Variants in MRE11 observed in about 807,000 individuals in gnomAD.
MRE11 encodes the protein MRE11 double strand break repair nuclease.
Under a neutral mutation model 91.7 loss-of-function variants are expected in MRE11, and 62 were observed. The ratio of observed to expected loss-of-function variants is 0.68; its 90% CI spans 0.55 to 0.84. The LOEUF is 0.84. Among genes scored for constraint, MRE11 ranks in the 40% least tolerant of loss-of-function variants. MRE11 has a pLI of 0.00. For synonymous variants in MRE11, 273 were observed against 271.4 expected (o/e 1.01, Z -0.06); for missense variants, 796 against 852.9 (o/e 0.93, Z 0.83).
chr11:94,456,706 T>C (rs1946256007), intron 13 of MRE11, among the ~76,000 whole-genome samples: 2 of 152,148 alleles, frequency 1.3e-5, no homozygotes, highest in African/African-American at 4.8e-5. Context: ...ACATTGCAAA[T>C]CACTCTTGTG....
Position 94,417,789 on chromosome 11 carries a change from T to C in MRE11, c.*2336A>G, listed in dbSNP as rs1945066657. 4.3e-6 allele frequency: 1 copy of C among 233,008 alleles called. No homozygotes were observed. The highest frequency in any genetic ancestry group is 1.8e-4 in the South Asian group (1 of 5,538). 14.4% of individuals were successfully genotyped at this position (233,008 alleles called of 1,614,324 possible). A position where few individuals can be genotyped will look rare whatever the true frequency, so the allele number is the denominator to read the frequency against. ...TACTTTTAAAAGTTTGGGAAAAAAG[T>C]CTTTTACATACCTGAATTAAAGGTC... On this transcript the variant is annotated 3_prime_UTR_variant, in exon 20 of 20. Coordinates refer to ENST00000323929, the MANE Select transcript of MRE11 (RefSeq NM_005591.4).
At chr11:94,502,994 T>C in the MRE11 span, among the ~76,000 whole-genome samples, 3 of 152,162 alleles carry the variant, frequency 2.0e-5, no homozygotes, top group African/African-American at 4.8e-5. Context: ...ATTAATTATA[T>C]TCCCCTTCCA....
chr11:94,464,128 G>C lies in MRE11; in HGVS notation c.1210C>G (p.Gln404Glu). The part of the protein sequence containing the change: ...DIIHFFRHRE[Q>E]KEKTGEEINF... ...ACTAGCTTACCTGTTTTTTCCTTTT[G>C]TTCTCTATGCCTGAAAAAATGGATA... The change falls in exon 11 of 20, where the codon CAA becomes GAA. Residue 404 changes from glutamine (Q) to glutamate (E), a missense_variant. Gln to Glu is a conservative substitution (Grantham distance 29). Coordinates refer to ENST00000323929, the MANE Select transcript of MRE11 (RefSeq NM_005591.4). 6.2e-7 allele frequency: 1 copy of C among 1,612,168 alleles called. No individual in the cohort carries two copies. Among genetic ancestry groups the C allele is most frequent in the Non-Finnish European group, 8.5e-7 (1 of 1,179,388 alleles).
chr11:94,477,035 A>G (rs1257455992), intron 6 of MRE11, among the ~76,000 whole-genome samples: 1 of 152,172 alleles, frequency 6.6e-6, no homozygotes, highest in African/African-American at 2.4e-5. Context: ...CAGGTTCTTG[A>G]TAACAGTAGT....
intron 6 of MRE11, among the ~76,000 whole-genome samples, chr11:94,477,628 T>C (rs1036371689): frequency 4.6e-5 from 7 of 152,108 alleles, no homozygotes; most frequent in African/African-American, 1.4e-4. Context: ...AGGTGGAATG[T>C]AGAACATGTA....
intron 7 of MRE11, among the ~76,000 whole-genome samples, chr11:94,474,969 A>G (rs7925021): frequency 0.016 from 2,413 of 152,262 alleles, 67 homozygotes; most frequent in African/African-American, 0.056. Context: ...ACACATATCT[A>G]AACTCTGGCC....
At chr11:94,477,999 T>A (rs997545679) in intron 6 of MRE11, among the ~76,000 whole-genome samples, 1 of 152,138 alleles carries the variant, frequency 6.6e-6, no homozygotes, top group African/African-American at 2.4e-5. Context: ...AGGAATCTGA[T>A]AATTATAAAA....
chr11:94,427,987 G>A (rs1021786508), intron 19 of MRE11, among the ~76,000 whole-genome samples: 5 of 152,178 alleles, frequency 3.3e-5, no homozygotes, highest in East Asian at 1.9e-4. Context: ...CAGATTCAAC[G>A]CTATCCCTAT....
chr11:94,503,078 A>G, the MRE11 span, among the ~76,000 whole-genome samples: 1 of 152,186 alleles, frequency 6.6e-6, no homozygotes, highest in Non-Finnish European at 1.5e-5. Context: ...CTGCCCTGTT[A>G]AAACTTTAGT....
At chr11:94,505,845 T>G in the MRE11 span, among the ~76,000 whole-genome samples, 1 of 152,208 alleles carries the variant, frequency 6.6e-6, no homozygotes, top group East Asian at 1.9e-4. Context: ...TACCATATTT[T>G]TACCGTACCG....
chr11:94,443,869 C>G (rs1945852890), intron 16 of MRE11, among the ~76,000 whole-genome samples: 1 of 151,396 alleles, frequency 6.6e-6, no homozygotes, highest in Non-Finnish European at 1.5e-5. Flanking sequence ...ACATAAAGAT[C>G]TGAATGTTTC....
intron 16 of MRE11, among the ~76,000 whole-genome samples, chr11:94,437,583 T>C (rs1945654798): frequency 6.6e-6 from 1 of 152,184 alleles, no homozygotes; most frequent in Non-Finnish European, 1.5e-5. Context: ...TAATCCCTTC[T>C]TTGTTGTTGA....
chr11:94,454,487 T>G (rs559748199), intron 14 of MRE11, among the ~76,000 whole-genome samples: 1 of 152,302 alleles, frequency 6.6e-6, no homozygotes, highest in South Asian at 2.1e-4. Flanking sequence ...CAAATGATTC[T>G]GCAAAGCTGT....
chr11:94,459,544 C>A lies in MRE11; in HGVS notation c.1364G>T (p.Gly455Val). ...GTCCACAAATTCTTGTACTGCTTCA[C>A]CCATCCCTCTTTCTGTTAGCAGTGA... The part of the protein sequence containing the change: ...QLSLLTERGM[G>V]EAVQEFVDKE... The change falls in exon 13 of 20, where the codon GGT becomes GTT. Residue 455 changes from glycine to valine, a missense_variant. Coordinates refer to ENST00000323929, the MANE Select transcript of MRE11 (RefSeq NM_005591.4). The A allele has an allele frequency of 1.9e-6, 3 of 1,614,034 alleles. No homozygotes were observed. Among genetic ancestry groups the A allele is most frequent in the Non-Finnish European group, 1.7e-6 (2 of 1,179,930 alleles).
chr11:94,461,324 C>T (rs183375823), intron 11 of MRE11, among the ~76,000 whole-genome samples: 125 of 152,286 alleles, frequency 8.2e-4, no homozygotes, highest in Non-Finnish European at 1.4e-3. Flanking sequence ...GGAGTAATAA[C>T]GTCAAAAATA....
upstream of MRE11, among the ~76,000 whole-genome samples, chr11:94,496,135 T>C (rs551674230): frequency 2.5e-4 from 38 of 152,320 alleles, no homozygotes; most frequent in Non-Finnish European, 5.0e-4. Context: ...GATGACAGAT[T>C]GGAACAGATG....
chr11:94,498,654 A>G (rs1947452043), upstream of MRE11: 5 of 845,834 alleles, frequency 5.9e-6, no homozygotes, highest in Non-Finnish European at 9.2e-6. Flanking sequence ...TCATTATAAC[A>G]TTCTTCCAAG....
chr11:94,420,900 C>T (rs1246318437), intron 19 of MRE11, among the ~76,000 whole-genome samples: 2 of 151,942 alleles, frequency 1.3e-5, no homozygotes, highest in African/African-American at 2.4e-5. Context: ...GGTGTGGTGG[C>T]GGGCGCCTGT....
chr11:94,472,439 T>C (rs1946742458), intron 7 of MRE11, among the ~76,000 whole-genome samples: 1 of 152,096 alleles, frequency 6.6e-6, no homozygotes, highest in African/African-American at 2.4e-5. Flanking sequence ...CAAACCAATA[T>C]TCTTCCATTC....
Sources: allele counts gnomAD v4.1 joint callset (sites outside exome capture counted in the v4.1 genomes callset), GRCh38; gene constraint gnomAD v4.1.1; transcripts MANE v1.5; gene names NCBI Gene and HGNC (gene_info 2026-07-23, HGNC 2026-07-21).